NCOR2: variants seen among roughly 807,000 people sequenced by gnomAD.
NCOR2 encodes the protein CTG repeat protein 26.
Under a neutral mutation model 262.9 loss-of-function variants are expected in NCOR2, and 81 were observed. The observed-to-expected ratio is 0.31, with a 90% CI of 0.26 to 0.37. The LOEUF is 0.37. Among genes scored for constraint, NCOR2 ranks in the 10% least tolerant of loss-of-function variants. The probability of loss-of-function intolerance (pLI) is 1.00; values close to 1 mark genes in which losing one functional copy is unlikely to be tolerated. For synonymous variants in NCOR2, 1,659 were observed against 1,559.3 expected (o/e 1.06, Z -1.51); for missense variants, 3,385 against 3,621.4 (o/e 0.93, Z 1.68).
At chr12:124,408,280 G>C (rs1352955557) in intron 13 of NCOR2, among the ~76,000 whole-genome samples, 2 of 152,098 alleles carry the variant, frequency 1.3e-5, no homozygotes, top group Non-Finnish European at 2.9e-5. Context: ...TGTGAACCCG[G>C]GAGGCGGAGC....
chr12:124,466,080 A>G, intron 5 of NCOR2, 93 bp downstream of exon 7: 2 of 1,233,340 alleles, frequency 1.6e-6, no homozygotes, highest in Non-Finnish European at 2.3e-6. Context: ...CTCCCCACAT[A>G]GATGGAAACA....
chr12:124,417,755 C>T (rs2042988312), intron 13 of NCOR2, among the ~76,000 whole-genome samples: 1 of 152,180 alleles, frequency 6.6e-6, no homozygotes, highest in South Asian at 2.1e-4. Context: ...CCTGAATGCA[C>T]TTCAATTTCA....
chr12:124,484,189 C>T (rs991710292), intron 2 of NCOR2, among the ~76,000 whole-genome samples: 3 of 152,188 alleles, frequency 2.0e-5, no homozygotes, highest in Non-Finnish European at 4.4e-5. Context: ...ATCCGGGAAA[C>T]GCTGTGAGCC....
intron 9 of NCOR2, 125 bp from the exon 12 acceptor site, chr12:124,429,831 G>C (rs2043815260): frequency 1.1e-6 from 1 of 921,424 alleles, no homozygotes; most frequent in African/African-American, 1.6e-5. Flanking sequence ...GGCCAGCAGA[G>C]GGGCCGGCCC....
At chr12:124,379,720 G>C (rs563470090) in intron 17 of NCOR2, among the ~76,000 whole-genome samples, 1 of 152,360 alleles carries the variant, frequency 6.6e-6, no homozygotes, top group African/African-American at 2.4e-5. Flanking sequence ...CGGAACCTCA[G>C]ACCTTATTTA....
chr12:124,424,072 G>T (rs545626834), intron 11 of NCOR2, among the ~76,000 whole-genome samples: 1 of 152,164 alleles, frequency 6.6e-6, no homozygotes, highest in Non-Finnish European at 1.5e-5. Flanking sequence ...CCCACGGGCC[G>T]GCAGATAGCA....
At chr12:124,562,696 G>A (rs868515873) in intron 1 of NCOR2, among the ~76,000 whole-genome samples, 5 of 152,218 alleles carry the variant, frequency 3.3e-5, no homozygotes, top group African/African-American at 4.8e-5. Flanking sequence ...GGAGCCCACC[G>A]TCTCCAAAGG....
At chr12:124,496,307 C>T (rs146432307), upstream of NCOR2, among the ~76,000 whole-genome samples, 129 of 151,936 alleles carry the variant, frequency 8.5e-4, 1 homozygote, top group East Asian at 0.023. This position sits in a 1 kb window ranked among gnomAD's most constrained non-coding sequence, Gnocchi z 4.4. Flanking sequence ...ACAACAGGGT[C>T]CCATCCCAGA....
intron 1 of NCOR2, among the ~76,000 whole-genome samples, chr12:124,520,961 G>A (rs1333988467): frequency 6.6e-6 from 1 of 152,198 alleles, no homozygotes; most frequent in Non-Finnish European, 1.5e-5. Context: ...GGTCTGGAAA[G>A]GGGCAGGGGG....
At chr12:124,340,441 C>G (rs758475054) in exon 36 of NCOR2, 1 of 1,611,592 alleles carries the variant, frequency 6.2e-7, no homozygotes, top group African/African-American at 1.3e-5. Flanking sequence ...TGTGTTGGAC[C>G]TCCTAGGAAA....
At chr12:124,367,928 C>G (rs1037175898) in intron 20 of NCOR2, among the ~76,000 whole-genome samples, 1 of 152,252 alleles carries the variant, frequency 6.6e-6, no homozygotes, top group Non-Finnish European at 1.5e-5. Context: ...GCCACCGCGA[C>G]CGGCCTCTCT....
rs1236523816 is a variant in NCOR2 at position 124,549,844 on chromosome 12, G to A, written c.-164-14233C>T. On this transcript the variant is annotated intron_variant, in intron 1 of 32. Transcript: ENST00000458234. The surrounding 1 kb of genome is among the most constrained non-coding windows in gnomAD (Gnocchi z 4.4). The stretch of plus-strand genomic sequence containing the variant: ...CACCCTATCCCACTGGGAAGGCAGG[G>A]GTGGATGGGCAGAGTGTCACGCCTG... Among the ~76,000 whole-genome samples, 4 of 152,310 alleles carry A rather than the reference G, an allele frequency of 2.6e-5. No individual in the cohort carries two copies. In the East Asian group the frequency reaches 7.7e-4, roughly 29 times the overall value.
At chr12:124,388,828 G>T in intron 16 of NCOR2, 1 of 1,291,590 alleles carries the variant, frequency 7.7e-7, no homozygotes, top group Non-Finnish European at 1.0e-6. Flanking sequence ...GTCTGCTGGC[G>T]GCTCAGCTCA....
chr12:124,390,973 C>T (rs546599331), intron 16 of NCOR2, among the ~76,000 whole-genome samples: 1 of 152,254 alleles, frequency 6.6e-6, no homozygotes. Flanking sequence ...GTGCTTGGGG[C>T]CCCGCTGGGC....
At chr12:124,498,139 C>T (rs2048475001), upstream of NCOR2, among the ~76,000 whole-genome samples, 1 of 152,208 alleles carries the variant, frequency 6.6e-6, no homozygotes, top group South Asian at 2.1e-4. Flanking sequence ...AAGGGCACCA[C>T]GGGCAACTTC....
intron 16 of NCOR2, among the ~76,000 whole-genome samples, chr12:124,393,104 G>A (rs186735293): frequency 1.8e-4 from 27 of 152,360 alleles, no homozygotes; most frequent in Non-Finnish European, 2.6e-4. Flanking sequence ...AGAGAAGAGG[G>A]CTGGGGCCTG....
At chr12:124,334,914 C>A (rs4765545) in intron 40 of NCOR2, 43,363 of 672,282 alleles carry the variant, frequency 0.065, 2,472 homozygotes, top group African/African-American at 0.22. Flanking sequence ...CATCGGCTCG[C>A]ATCACAGGCT....
intron 22 of NCOR2, among the ~76,000 whole-genome samples, chr12:124,359,068 C>T (rs766283432): frequency 5.3e-5 from 8 of 152,216 alleles, no homozygotes; most frequent in Non-Finnish European, 8.8e-5. Context: ...AGATTTCAGG[C>T]CTGGGGAGAT....
rs1407604929 is a variant in NCOR2 at position 124,432,415 on chromosome 12, C to G, written c.883-1628G>C. 6.6e-6 allele frequency among the ~76,000 whole-genome samples: 1 copy of G among 152,190 alleles called. No individual in the cohort carries two copies. The highest frequency in any genetic ancestry group is 6.5e-5 in the Admixed American group (1 of 15,282). On this transcript the variant is annotated intron_variant, in intron 8 of 46. Transcript: ENST00000405201. This position sits in a 1 kb window ranked among gnomAD's most constrained non-coding sequence, Gnocchi z 5.1. ...CCTGGTCCCAAATGGAAGCCACCCA[C>G]CATGTGTGGCTCAACTGAAATCACA...
Sources: allele counts gnomAD v4.1 joint callset (sites outside exome capture counted in the v4.1 genomes callset), GRCh38; gene constraint gnomAD v4.1.1; non-coding constraint Gnocchi (gnomAD v3.1); transcripts MANE v1.5; gene names NCBI Gene and HGNC (gene_info 2026-07-23, HGNC 2026-07-21).